The following CADM2 variants were observed in gnomAD, a reference collection of about 807,000 sequenced individuals.
CADM2 encodes cell adhesion molecule 2, also known as immunoglobulin superfamily member 4D.
In CADM2, 12 loss-of-function variants were observed where a neutral mutation model predicts 49.8. That is an observed-to-expected ratio of 0.24 (90% CI 0.15 to 0.39). The LOEUF (loss-of-function observed/expected upper bound fraction) is 0.39. Among genes scored for constraint, CADM2 ranks in the 10% least tolerant of loss-of-function variants. The pLI, the probability that CADM2 is intolerant of heterozygous loss-of-function variation, is 1.00. For missense variants in CADM2, 378 were observed against 492.3 expected (o/e 0.77, Z 2.20); for synonymous variants, 214 against 175.4 (o/e 1.22, Z -1.74).
chr3:85,348,680 T>C (rs2031021010), intron 1 of CADM2, among the ~76,000 whole-genome samples: 2 of 152,174 alleles, frequency 1.3e-5, no homozygotes, highest in African/African-American at 4.8e-5. Flanking sequence ...ATGAGAGCTG[T>C]GAAATGTCTA....
chr3:85,758,044 AT>A (rs1209112677), intron 2 of CADM2, among the ~76,000 whole-genome samples: 2 of 152,144 alleles, frequency 1.3e-5, no homozygotes, highest in African/African-American at 2.4e-5. Context: ...CGGATATATT[AT>A]TGACGTGGCA....
intron 1 of CADM2, among the ~76,000 whole-genome samples, chr3:85,481,704 A>G (rs1023626395): frequency 1.3e-5 from 2 of 151,772 alleles, no homozygotes; most frequent in East Asian, 1.9e-4. Flanking sequence ...GCACAATGTC[A>G]GATTCTTTCA....
intron 6 of CADM2, among the ~76,000 whole-genome samples, chr3:85,915,750 C>T (rs934138434): frequency 6.6e-5 from 10 of 152,058 alleles, no homozygotes; most frequent in Non-Finnish European, 4.4e-5. Context: ...TAGTATTTCT[C>T]CATTGTTTGA....
chr3:85,187,570 G>A (rs913866425), intron 1 of CADM2, among the ~76,000 whole-genome samples: 1 of 151,980 alleles, frequency 6.6e-6, no homozygotes, highest in Non-Finnish European at 1.5e-5. Flanking sequence ...CCAACTTGCT[G>A]GTTTATGAAC....
chr3:86,045,553 C>T (rs1736561273), intron 8 of CADM2, among the ~76,000 whole-genome samples: 1 of 152,124 alleles, frequency 6.6e-6, no homozygotes, highest in Non-Finnish European at 1.5e-5. Flanking sequence ...GCAGATGTTC[C>T]TTTAAACCGC....
At chr3:85,488,300 T>C (rs1028940931) in intron 1 of CADM2, among the ~76,000 whole-genome samples, 5 of 152,158 alleles carry the variant, frequency 3.3e-5, no homozygotes, top group African/African-American at 4.8e-5. Flanking sequence ...CAATTCTGAG[T>C]ATTTGGCAAG....
intron 1 of CADM2, among the ~76,000 whole-genome samples, chr3:85,539,872 A>G (rs62252518): frequency 6.6e-6 from 1 of 151,880 alleles, no homozygotes; most frequent in African/African-American, 2.4e-5. Context: ...TTTTAAATAC[A>G]AAGTTTGAAT....
chr3:85,249,435 C>G (rs1282603936), intron 1 of CADM2, among the ~76,000 whole-genome samples: 1 of 151,814 alleles, frequency 6.6e-6, no homozygotes, highest in African/African-American at 2.4e-5. Context: ...GCAATTCTCA[C>G]CAATTTCAAA....
chr3:85,997,849 G>A (rs577362899), intron 8 of CADM2, among the ~76,000 whole-genome samples: 1 of 152,228 alleles, frequency 6.6e-6, no homozygotes, highest in African/African-American at 2.4e-5. Flanking sequence ...GAATTCCATG[G>A]TCTGTCTTCG....
chr3:85,504,365 C>G lies in CADM2; in HGVS notation c.62-222157C>G, dbSNP rs193168209. Among the ~76,000 whole-genome samples, 3 of 152,296 alleles carry G rather than the reference C, an allele frequency of 2.0e-5. No individual in the cohort carries two copies. The East Asian group carries it at 5.8e-4, about 29-fold the overall frequency. ...AGGCAGTGTGGACCCAAAGAGTGAG[C>G]AGTGGCAAGATTTACTGCAAAGAGC... On this transcript the variant is annotated intron_variant, in intron 1 of 9. Transcript: ENST00000383699.
rs548731509 is a variant in CADM2, at chr3:85,487,766, G to A, written c.62-238756G>A. Among the ~76,000 whole-genome samples, 3 of 151,828 alleles carry A rather than the reference G, an allele frequency of 2.0e-5. No homozygotes were observed. In the East Asian group the frequency reaches 5.8e-4, roughly 29 times the overall value. ...TGTGTGCGTGTGTGTGCGTGTGTGT[G>A]TGCGTGCGTGTGTGTGTGATGGGAA... On this transcript the variant is annotated intron_variant, in intron 1 of 9. Transcript: ENST00000383699.
At chr3:85,320,069 C>A (rs546439013) in intron 1 of CADM2, among the ~76,000 whole-genome samples, 1 of 152,178 alleles carries the variant, frequency 6.6e-6, no homozygotes, top group South Asian at 2.1e-4. Flanking sequence ...ATTAATACAA[C>A]AATTCTCAGG....
At chr3:85,785,501 C>A (rs140175804) in intron 2 of CADM2, among the ~76,000 whole-genome samples, 1 of 151,988 alleles carries the variant, frequency 6.6e-6, no homozygotes, top group Non-Finnish European at 1.5e-5. Context: ...GCCCACTTTG[C>A]TAGCATAGTA....
chr3:85,238,421 G>A (rs1465211019), intron 1 of CADM2, among the ~76,000 whole-genome samples: 1 of 151,922 alleles, frequency 6.6e-6, no homozygotes, highest in East Asian at 1.9e-4. Context: ...AATCTGGAAA[G>A]CAAACAGTGT....
chr3:86,022,645 C>T (rs1733344102), intron 8 of CADM2, among the ~76,000 whole-genome samples: 1 of 152,076 alleles, frequency 6.6e-6, no homozygotes, highest in South Asian at 2.1e-4. Context: ...TAAAAATATG[C>T]ATAATAGCCA....
chr3:85,126,157 C>A (rs1386703411), intron 1 of CADM2, among the ~76,000 whole-genome samples: 1 of 152,124 alleles, frequency 6.6e-6, no homozygotes, highest in African/African-American at 2.4e-5. Context: ...ATGAATACCT[C>A]TACTTTTGAT....
intron 6 of CADM2, among the ~76,000 whole-genome samples, chr3:85,926,792 A>C (rs1719936990): frequency 6.6e-6 from 1 of 152,192 alleles, no homozygotes; most frequent in Admixed American, 6.5e-5. Context: ...GAGATATATG[A>C]GAGTGTACAC....
Position 85,623,598 on chromosome 3 carries a change from C to G in CADM2, c.62-102924C>G, listed in dbSNP as rs533260210. Among the ~76,000 whole-genome samples the G allele has an allele frequency of 3.3e-5, 5 of 152,170 alleles. No homozygotes were observed. In the South Asian group the frequency reaches 1.0e-3, roughly 32 times the overall value. ...GATAGGACAGCAGAGAATCAGAGAG[C>G]AAGTGTTATAATTGGAGATACACCA... On this transcript the variant is annotated intron_variant, in intron 1 of 9. Coordinates refer to ENST00000383699, the MANE Select transcript of CADM2 (RefSeq NM_001167675.2).
intron 3 of CADM2, among the ~76,000 whole-genome samples, chr3:85,845,304 C>T (rs1418229478): frequency 6.6e-6 from 1 of 152,074 alleles, no homozygotes; most frequent in Non-Finnish European, 1.5e-5. Context: ...AGATAGATAG[C>T]AGGACAGGCT....
Sources: gnomAD v4.1 joint callset for allele counts (sites outside exome capture counted in the v4.1 genomes callset) on GRCh38, gnomAD v4.1.1 for gene constraint, MANE v1.5 for transcripts, NCBI Gene and HGNC (gene_info 2026-07-23, HGNC 2026-07-21) for gene names.